PGGT1B: variants seen among roughly 807,000 people sequenced by gnomAD.
PGGT1B encodes the protein protein geranylgeranyltransferase type I subunit beta.
A neutral mutation model predicts 46.1 loss-of-function variants in PGGT1B; 30 were observed. The observed-to-expected ratio is 0.65, with a 90% CI of 0.49 to 0.88. The LOEUF (loss-of-function observed/expected upper bound fraction) is 0.88, where lower values mean the gene tolerates loss of function less well. Among genes scored for constraint, PGGT1B ranks in the 40% least tolerant of loss-of-function variants. The probability of loss-of-function intolerance (pLI) is 0.00; values close to 1 mark genes in which losing one functional copy is unlikely to be tolerated. For missense variants in PGGT1B, 376 were observed against 455.9 expected, an observed-to-expected ratio of 0.82 and a Z score of 1.60; for synonymous variants, 170 against 160.0, an observed-to-expected ratio of 1.06 and a Z score of -0.47.
intron 5 of PGGT1B, among the ~76,000 whole-genome samples, chr5:115,235,306 GT>G (rs34761896): frequency 6.6e-6 from 1 of 151,764 alleles, no homozygotes; most frequent in Non-Finnish European, 1.5e-5. Flanking sequence ...CAGAGAGAAA[GT>G]TTTTTTCAAA....
chr5:115,221,262 AC>A (rs1426103263), intron 7 of PGGT1B, among the ~76,000 whole-genome samples: 3 of 152,004 alleles, frequency 2.0e-5, no homozygotes, highest in African/African-American at 7.2e-5. Flanking sequence ...GACAGAGAAA[AC>A]TTGTGTGTAT....
intron 1 of PGGT1B, among the ~76,000 whole-genome samples, chr5:115,261,982 T>C (rs896795880): frequency 1.3e-5 from 2 of 152,194 alleles, no homozygotes; most frequent in Non-Finnish European, 2.9e-5. Context: ...ACTCAGAATT[T>C]GGAAAACGTG....
intron 2 of PGGT1B, among the ~76,000 whole-genome samples, chr5:115,252,379 G>A (rs1748139701): frequency 6.6e-6 from 1 of 151,958 alleles, no homozygotes; most frequent in Non-Finnish European, 1.5e-5. Context: ...TAAAGTTTTA[G>A]CTTATTATTT....
intron 8 of PGGT1B, among the ~76,000 whole-genome samples, chr5:115,216,632 T>C (rs1247285024): frequency 6.6e-6 from 1 of 152,160 alleles, no homozygotes; most frequent in East Asian, 1.9e-4. Flanking sequence ...CTAAGTAAAA[T>C]ATTTGGGAAA....
At chr5:115,261,667 G>A (rs1748560684) in intron 1 of PGGT1B, among the ~76,000 whole-genome samples, 2 of 152,196 alleles carry the variant, frequency 1.3e-5, no homozygotes, top group Admixed American at 6.5e-5. Flanking sequence ...ATAATCCAGT[G>A]TAATAGAAAG....
In PGGT1B at chr5:115,207,768, G is replaced by C. The variant is rs1756106770; in HGVS notation, c.*4634C>G. ...CCTTTCCAATTCACGTCTTTATTTTGTCTAACTTCATTGGCTATAACTCTC... is the reference window on the plus strand; with the variant it reads ...CCTTTCCAATTCACGTCTTTATTTTCTCTAACTTCATTGGCTATAACTCTC... On this transcript the variant is annotated 3_prime_UTR_variant, in exon 9 of 9. Coordinates refer to ENST00000419445, the MANE Select transcript of PGGT1B (RefSeq NM_005023.4). The C allele has an allele frequency of 6.6e-6, 1 of 151,476 alleles. No individual in the cohort carries two copies. The allele number at this position is 151,476 out of a possible 1,614,324, so 9.4% of individuals were successfully genotyped here.
At chr5:115,238,644 A>C (rs1757260554) in intron 3 of PGGT1B, among the ~76,000 whole-genome samples, 1 of 152,154 alleles carries the variant, frequency 6.6e-6, no homozygotes, top group African/African-American at 2.4e-5. Flanking sequence ...AAACTAAAAA[A>C]CGATACAATT....
intron 2 of PGGT1B, among the ~76,000 whole-genome samples, chr5:115,243,905 C>T (rs990905653): frequency 6.6e-6 from 1 of 152,106 alleles, no homozygotes; most frequent in Non-Finnish European, 1.5e-5. Context: ...CAAATCTTTT[C>T]CATTAGACCC....
chr5:115,224,295 CGA>C (rs1035239179), intron 6 of PGGT1B, among the ~76,000 whole-genome samples: 49 of 151,948 alleles, frequency 3.2e-4, no homozygotes, highest in African/African-American at 1.1e-3. Context: ...TTCAAACTCC[CGA>C]AAAGTAAAAA....
chr5:115,227,646 T>C (rs1450440200), intron 6 of PGGT1B, among the ~76,000 whole-genome samples: 3 of 152,212 alleles, frequency 2.0e-5, no homozygotes, highest in African/African-American at 7.2e-5. Flanking sequence ...TCAGGAGACT[T>C]GTCAGTGATT....
chr5:115,225,527 C>G (rs925278711), intron 6 of PGGT1B, among the ~76,000 whole-genome samples: 1 of 152,032 alleles, frequency 6.6e-6, no homozygotes, highest in Admixed American at 6.6e-5. Context: ...CAGAAAGAAT[C>G]CATGTCTTCT....
At chr5:115,230,884 A>G (rs1389914789) in intron 6 of PGGT1B, 92 bp downstream of exon 6, 1 of 773,302 alleles carries the variant, frequency 1.3e-6, no homozygotes, top group Non-Finnish European at 2.2e-6. Flanking sequence ...AAGGGTTGAG[A>G]AAAACTTCTG....
chr5:115,216,171 G>C (rs946277093), intron 8 of PGGT1B, among the ~76,000 whole-genome samples: 5 of 151,718 alleles, frequency 3.3e-5, no homozygotes, highest in African/African-American at 1.2e-4. Flanking sequence ...AAAGAGTCTC[G>C]CTCTGTCACA....
chr5:115,207,266 G>C lies in PGGT1B; in HGVS notation c.*5136C>G, dbSNP rs190532830. On this transcript the variant is annotated 3_prime_UTR_variant, in exon 9 of 9. Coordinates refer to ENST00000419445, the MANE Select transcript of PGGT1B (RefSeq NM_005023.4). ...GAGCTATAATTATACATACAGAAAA[G>C]TGCACAAATCATATACAGCTTGATA... 2.1e-5 allele frequency: 3 copies of C among 141,250 alleles called. No individual in the cohort carries two copies. The East Asian group carries it at 6.0e-4, about 28-fold the overall frequency. 8.7% of individuals were successfully genotyped at this position (141,250 alleles called of 1,614,324 possible).
Position 115,216,956 on chromosome 5 carries a change from T to A in PGGT1B, c.861A>T (p.Gln287His). 6.6e-7 allele frequency: 1 copy of A among 1,507,008 alleles called. No homozygotes were observed. 93.4% of individuals were successfully genotyped at this position (1,507,008 alleles called of 1,614,324 possible). Residue 287 changes from glutamine (Q) to histidine (H), a missense_variant, in exon 8 of 9, where the codon CAA becomes CAT. Gln to His is a conservative substitution (Grantham distance 24). Around this residue, in one of 2 missense-constraint regions of PGGT1B, gnomAD observed 222 missense variants for 313.6 expected, o/e 0.71. Coordinates refer to ENST00000419445, the MANE Select transcript of PGGT1B (RefSeq NM_005023.4). ...GATLKLLKIFQYTNFEKNRNY... is the reference protein window; with the variant it reads ...GATLKLLKIFHYTNFEKNRNY... Reference sequence around the variant, plus strand: ...TTCTATTTTTCTCAAAGTTAGTGTATTGGAAAATTTTTAGAAGCTGAAATG... The same window carrying A: ...TTCTATTTTTCTCAAAGTTAGTGTAATGGAAAATTTTTAGAAGCTGAAATG...
chr5:115,224,621 C>T (rs1580751112), intron 6 of PGGT1B, among the ~76,000 whole-genome samples: 1 of 151,994 alleles, frequency 6.6e-6, no homozygotes, highest in African/African-American at 2.4e-5. Flanking sequence ...GTAAATCCCA[C>T]CACTTTGGGA....
chr5:115,212,735 G>A, intron 8 of PGGT1B, 152 bp from the exon 9 acceptor site: 1 of 521,502 alleles, frequency 1.9e-6, no homozygotes. Flanking sequence ...CTTTCTCAAA[G>A]CCTCAAACAC....
Position 115,211,416 on chromosome 5 carries a change from TTGAA to T in PGGT1B, c.*982_*985del, listed in dbSNP as rs953120546. The T allele has an allele frequency of 2.6e-5, 4 of 151,966 alleles. No individual in the cohort carries two copies. The highest frequency in any genetic ancestry group is 4.4e-5 in the Non-Finnish European group (3 of 67,886). 9.4% of individuals were successfully genotyped at this position (151,966 alleles called of 1,614,324 possible). On this transcript the variant is annotated 3_prime_UTR_variant, in exon 9 of 9. Transcript: ENST00000419445. ...TATTGAGTTACACCACTGAATCTGTTTGAATGGTTCTGTTTTTGTATTTTTTACT... is the reference window on the plus strand; with the variant it reads ...TATTGAGTTACACCACTGAATCTGTTTGGTTCTGTTTTTGTATTTTTTACT...
rs372680960 is a variant in PGGT1B at position 115,259,667 on chromosome 5, G to A, written c.140+3045C>T. Among the ~76,000 whole-genome samples, 10 of 120,308 alleles carry A rather than the reference G, an allele frequency of 8.3e-5. No homozygotes were observed. In the South Asian group the frequency reaches 2.8e-3, roughly 34 times the overall value. 78.9% of individuals were successfully genotyped at this position (120,308 alleles called of 152,430 possible). A position where few individuals can be genotyped will look rare whatever the true frequency, so the allele number is the denominator to read the frequency against. ...TGGTGCCACCGCACTCCAGCCTGGT[G>A]ACAGAGTGAGACTGTCTCAAAAAAA... On this transcript the variant is annotated intron_variant, in intron 1 of 8. Transcript: ENST00000419445.
Sources: allele counts gnomAD v4.1 joint callset (sites outside exome capture counted in the v4.1 genomes callset), GRCh38; gene constraint gnomAD v4.1.1; regional missense constraint gnomAD v4.1.1; transcripts MANE v1.5; gene names NCBI Gene and HGNC (gene_info 2026-07-23, HGNC 2026-07-21).